The following SH3RF3 variants were observed in gnomAD, a reference collection of about 807,000 sequenced individuals.
The protein encoded by SH3RF3 is E3 ubiquitin-protein ligase SH3RF3.
In SH3RF3, 29 loss-of-function variants were observed where a neutral mutation model predicts 66.3. That is an observed-to-expected ratio of 0.44 (90% CI 0.33 to 0.60). SH3RF3 has a LOEUF of 0.60. Among genes scored for constraint, SH3RF3 ranks in the 20% least tolerant of loss-of-function variants. The probability of loss-of-function intolerance (pLI) is 0.04; values close to 1 mark genes in which losing one functional copy is unlikely to be tolerated. For synonymous variants in SH3RF3, 583 were observed against 532.0 expected (o/e 1.10, Z -1.32); for missense variants, 1,194 against 1,190.9 (o/e 1.00, Z -0.04).
At chr2:109,434,352 A>T (rs1223413715) in intron 6 of SH3RF3, among the ~76,000 whole-genome samples, 2 of 152,238 alleles carry the variant, frequency 1.3e-5, no homozygotes, top group African/African-American at 4.8e-5. Flanking sequence ...TCGGCTTCCC[A>T]GTTTCCAGTT....
At chr2:109,300,959 G>A (rs932130102) in intron 1 of SH3RF3, among the ~76,000 whole-genome samples, 1 of 152,266 alleles carries the variant, frequency 6.6e-6, no homozygotes, top group Admixed American at 6.5e-5. Context: ...ACCAGCTGCA[G>A]ATGCTGGTGC....
chr2:109,458,786 T>C (rs1678135747), intron 8 of SH3RF3, among the ~76,000 whole-genome samples: 1 of 152,242 alleles, frequency 6.6e-6, no homozygotes. Flanking sequence ...CCCACCCACA[T>C]TATCAAGGTA....
At chr2:109,272,526 G>A (rs897164436) in intron 1 of SH3RF3, among the ~76,000 whole-genome samples, 3 of 152,216 alleles carry the variant, frequency 2.0e-5, no homozygotes, top group African/African-American at 7.2e-5. Context: ...CAGGGGCCGA[G>A]TAGGGTGTGT....
intron 6 of SH3RF3, among the ~76,000 whole-genome samples, chr2:109,433,551 C>T (rs1303260189): frequency 1.3e-5 from 2 of 152,216 alleles, no homozygotes; most frequent in Non-Finnish European, 2.9e-5. Context: ...AAGCGAAAGA[C>T]GTGGCCTTGG....
intron 1 of SH3RF3, among the ~76,000 whole-genome samples, chr2:109,330,538 C>G (rs1320819702): frequency 6.6e-6 from 1 of 152,142 alleles, no homozygotes; most frequent in African/African-American, 2.4e-5. Flanking sequence ...TGTCTAGTAC[C>G]TCACACAGGC....
intron 1 of SH3RF3, among the ~76,000 whole-genome samples, chr2:109,287,865 T>C (rs1240401318): frequency 6.6e-6 from 1 of 152,240 alleles, no homozygotes; most frequent in Non-Finnish European, 1.5e-5. Context: ...CATAGTCCTA[T>C]AGTTTTTCTT....
intron 1 of SH3RF3, among the ~76,000 whole-genome samples, chr2:109,230,684 G>T (rs551168200): frequency 1.3e-5 from 2 of 152,186 alleles, no homozygotes; most frequent in South Asian, 4.1e-4. Flanking sequence ...TCAGAAAATC[G>T]TAAGTCGGGG....
intron 1 of SH3RF3, among the ~76,000 whole-genome samples, chr2:109,281,482 T>C (rs953351978): frequency 6.6e-6 from 1 of 152,202 alleles, no homozygotes; most frequent in African/African-American, 2.4e-5. Context: ...GCAGCTCTTC[T>C]GGTTCTGACT....
At chr2:109,423,452 A>G (rs1676936792) in intron 5 of SH3RF3, among the ~76,000 whole-genome samples, 3 of 152,180 alleles carry the variant, frequency 2.0e-5, no homozygotes, top group Admixed American at 2.0e-4. Flanking sequence ...CAGTCCCCAC[A>G]TTCTGGGACA....
chr2:109,432,742 T>C (rs954366516), intron 6 of SH3RF3, 71 bp downstream of exon 6: 1 of 1,520,544 alleles, frequency 6.6e-7, no homozygotes, highest in Non-Finnish European at 8.8e-7. Context: ...CTGTTGTTAC[T>C]GCTGGAGGCT....
chr2:109,339,434 C>T (rs549561877), intron 1 of SH3RF3, among the ~76,000 whole-genome samples: 35 of 152,236 alleles, frequency 2.3e-4, no homozygotes, highest in African/African-American at 6.3e-4. Context: ...TGGTCTTCTG[C>T]GGTGGCTGGA....
chr2:109,264,086 A>G (rs999774065), intron 1 of SH3RF3, among the ~76,000 whole-genome samples: 2 of 152,216 alleles, frequency 1.3e-5, no homozygotes, highest in African/African-American at 4.8e-5. Flanking sequence ...TCTTTAAGCT[A>G]CAGATCTCAG....
At chr2:109,435,307 A>C (rs1677368551) in intron 6 of SH3RF3, among the ~76,000 whole-genome samples, 1 of 152,154 alleles carries the variant, frequency 6.6e-6, no homozygotes, top group African/African-American at 2.4e-5. Context: ...TCCCCCTCCA[A>C]AGCTGTGCCC....
At chr2:109,373,724 T>C (rs1683323899) in intron 3 of SH3RF3, among the ~76,000 whole-genome samples, 1 of 152,174 alleles carries the variant, frequency 6.6e-6, no homozygotes, top group South Asian at 2.1e-4. Context: ...GCACAGATTA[T>C]GCTGCTGTAA....
intron 1 of SH3RF3, among the ~76,000 whole-genome samples, chr2:109,190,549 TATAAC>T (rs71383830): frequency 0.01 from 1,587 of 152,356 alleles, 17 homozygotes; most frequent in Non-Finnish European, 0.016. Context: ...TGTGGAATTG[TATAAC>T]ACCTGAGTGA....
intron 8 of SH3RF3, among the ~76,000 whole-genome samples, chr2:109,451,540 C>G (rs1299048273): frequency 6.6e-6 from 1 of 151,350 alleles, no homozygotes; most frequent in African/African-American, 2.4e-5. Context: ...GACATTACGT[C>G]CTGTACGAAT....
intron 1 of SH3RF3, among the ~76,000 whole-genome samples, chr2:109,199,582 T>TCAACCCGAGTGCAGG (rs1558953881): frequency 4.2e-3 from 2 of 478 alleles, no homozygotes; most frequent in African/African-American, 6.3e-3. Context: ...TGGAATGGAA[T>TCAACCCGAGTGCAGG]GGAATGGAAT....
In SH3RF3 at chr2:109,403,590, G is replaced by A. The variant is rs898578613; in HGVS notation, c.1299+4647G>A. 2.6e-5 allele frequency among the ~76,000 whole-genome samples: 4 copies of A among 152,358 alleles called. No individual in the cohort carries two copies. The East Asian group carries it at 7.7e-4, about 29-fold the overall frequency. On this transcript the variant is annotated intron_variant, in intron 4 of 9. Transcript: ENST00000309415. The stretch of plus-strand genomic sequence containing the variant: ...CTCAGGCCAAAGGAGACACGCAGGA[G>A]AATGCCAGCAGGTCCCTGCGGTGCT...
chr2:109,186,664 G>A (rs1308733923), intron 1 of SH3RF3, among the ~76,000 whole-genome samples: 8 of 152,188 alleles, frequency 5.3e-5, no homozygotes, highest in Admixed American at 3.3e-4. Context: ...GGAAGACCCT[G>A]CGGGAAATGC....
Sources: allele counts gnomAD v4.1 joint callset (sites outside exome capture counted in the v4.1 genomes callset), GRCh38; gene constraint gnomAD v4.1.1; transcripts MANE v1.5; gene names NCBI Gene and HGNC (gene_info 2026-07-23, HGNC 2026-07-21).